The following THAP9 variants were observed in gnomAD, a reference collection of about 807,000 sequenced individuals.
The protein encoded by THAP9 is DNA transposase THAP9.
Under a neutral mutation model 35.7 loss-of-function variants are expected in THAP9, and 20 were observed. The ratio of observed to expected loss-of-function variants is 0.56; its 90% confidence interval spans 0.39 to 0.81. The LOEUF is 0.81. THAP9 is among the 40% of genes least tolerant of loss of function. The pLI is 0.00. For missense variants in THAP9, 870 were observed against 1,047.4 expected (o/e 0.83, Z 2.34); for synonymous variants, 335 against 373.7 (o/e 0.90, Z 1.19).
intron 2 of THAP9, 111 bp from the exon 3 acceptor site, chr4:82,906,212 TA>T: frequency 1.1e-6 from 1 of 883,134 alleles, no homozygotes; most frequent in Non-Finnish European, 1.7e-6. Flanking sequence ...TTTTCTTTCC[TA>T]ACTAACTCTC....
At position 82,919,643 on chromosome 4, in the gene THAP9, T is replaced by G. The variant is rs1721170719; in HGVS notation, c.*719T>G. 6.6e-6 allele frequency: 1 copy of G among 152,200 alleles called. No individual in the cohort carries two copies. The highest frequency in any genetic ancestry group is 2.1e-4 in the South Asian group (1 of 4,822). 9.4% of individuals were successfully genotyped at this position (152,200 alleles called of 1,614,324 possible). A position where few individuals can be genotyped will look rare whatever the true frequency, so the allele number is the denominator to read the frequency against. On this transcript the variant is annotated 3_prime_UTR_variant, in exon 5 of 5. Coordinates refer to ENST00000302236, the MANE Select transcript of THAP9 (RefSeq NM_024672.6). The stretch of plus-strand genomic sequence containing the variant: ...TTTGAATAATAGGCTGGACACTTAG[T>G]TTGACTTGAAAGAGCTCAATGCTCA...
chr4:82,904,257 G>T (rs1720550522), intron 1 of THAP9, among the ~76,000 whole-genome samples: 1 of 151,876 alleles, frequency 6.6e-6, no homozygotes, highest in South Asian at 2.1e-4. Flanking sequence ...TAGAGACGGG[G>T]TTTCACCATG....
intron 1 of THAP9, chr4:82,901,191 GAAGGCA>G: frequency 1.7e-6 from 1 of 598,514 alleles, no homozygotes; most frequent in Non-Finnish European, 3.1e-6. Flanking sequence ...GGCCGAAAGG[GAAGGCA>G]GTTTAGGACA....
intron 1 of THAP9, 76 bp from the exon 2 acceptor site, chr4:82,904,660 G>T: frequency 7.5e-7 from 1 of 1,340,678 alleles, no homozygotes; most frequent in Non-Finnish European, 1.0e-6. Flanking sequence ...ATAATAGATG[G>T]GTTTATATAA....
In THAP9 at chr4:82,910,697, G is replaced by T. The variant is rs1401275090; in HGVS notation, c.731+2762G>T. On this transcript the variant is annotated intron_variant, in intron 4 of 4. Transcript: ENST00000302236. ...TATTCAATAAATATTTATTGATCAG[G>T]AGCGGCCAGTGAGGCAGGAGGAAAA... 4.9e-6 allele frequency: 3 copies of T among 610,026 alleles called. No homozygotes were observed. In the East Asian group the frequency reaches 2.0e-4, roughly 40 times the overall value. The allele number at this position is 610,026 out of a possible 1,614,324, so 37.8% of individuals were successfully genotyped here.
chr4:82,914,221 A>G (rs1248652956), intron 4 of THAP9, among the ~76,000 whole-genome samples: 2 of 152,114 alleles, frequency 1.3e-5, no homozygotes, highest in Non-Finnish European at 2.9e-5. Context: ...TTCTTTATTC[A>G]GTGTGTCATT....
At chr4:82,911,483 A>G (rs1720864789) in intron 4 of THAP9, among the ~76,000 whole-genome samples, 1 of 152,128 alleles carries the variant, frequency 6.6e-6, no homozygotes, top group African/African-American at 2.4e-5. Context: ...AGTCCCAGCT[A>G]CTCGGGAGGC....
chr4:82,905,856 T>G (rs1293895180), intron 2 of THAP9: 1 of 455,940 alleles, frequency 2.2e-6, no homozygotes. Flanking sequence ...ATCCACATTT[T>G]ACAGATGAGG....
intron 1 of THAP9, among the ~76,000 whole-genome samples, 184 bp from the exon 2 acceptor site, chr4:82,904,552 G>A (rs1463693787): frequency 6.6e-6 from 1 of 152,144 alleles, no homozygotes; most frequent in East Asian, 1.9e-4. Context: ...ATCAGATATT[G>A]AACCTTTGGA....
chr4:82,918,366 T>C lies in THAP9; in HGVS notation c.2154T>C (p.Tyr718=), dbSNP rs376639375. The change falls in exon 5 of 5, where the codon TAT becomes TAC. Residue 718 remains tyrosine (Y), a synonymous_variant. Coordinates refer to ENST00000302236, the MANE Select transcript of THAP9 (RefSeq NM_024672.6). ...LSDHRRNLIC[Y]AGYVANKLSA... ...ATCATAGGCGAAATCTCATCTGTTA[T>C]GCTGGTTATGTTGCAAACAAGTTAT... 1.4e-5 allele frequency: 23 copies of C among 1,614,072 alleles called. 1 individual carries two copies. The highest frequency in any genetic ancestry group is 7.7e-5 in the South Asian group (7 of 91,080).
intron 3 of THAP9, 74 bp downstream of exon 3, chr4:82,906,701 G>C: frequency 1.4e-6 from 2 of 1,388,174 alleles, no homozygotes; most frequent in East Asian, 4.9e-5. Flanking sequence ...TATTTATTTT[G>C]TTCTTGCCTA....
chr4:82,911,289 C>T (rs1720855647), intron 4 of THAP9, among the ~76,000 whole-genome samples: 1 of 120,650 alleles, frequency 8.3e-6, no homozygotes, highest in South Asian at 2.4e-4. Flanking sequence ...TGAGTTTTGT[C>T]TTTTAAAAAG....
chr4:82,904,897 A>G lies in THAP9; in HGVS notation c.242A>G (p.Lys81Arg). ...TCATATGGCATAAGAAGAAAGCTGA[A>G]AAAAGGAGCTGTGCCTTCTGTTTCT... The part of the protein sequence containing the change: ...FESYGIRRKL[K>R]KGAVPSVSLY... Residue 81 changes from lysine to arginine, a missense_variant, in exon 2 of 5, where the codon AAA (lysine) becomes AGA (arginine). Lys to Arg is a conservative substitution (Grantham distance 26, BLOSUM62 2). Coordinates refer to ENST00000302236, the MANE Select transcript of THAP9 (RefSeq NM_024672.6). 1.2e-6 allele frequency: 2 copies of G among 1,614,050 alleles called. No individual in the cohort carries two copies. Among genetic ancestry groups the G allele is most frequent in the Non-Finnish European group, 1.7e-6 (2 of 1,179,988 alleles).
At chr4:82,904,618 C>A in intron 1 of THAP9, 118 bp from the exon 2 acceptor site, 2 of 893,144 alleles carry the variant, frequency 2.2e-6, no homozygotes, top group South Asian at 2.4e-5. Context: ...ACTTTTAATT[C>A]ACTTGGCTTT....
At chr4:82,908,929 G>A (rs1720760180) in intron 4 of THAP9, among the ~76,000 whole-genome samples, 1 of 147,994 alleles carries the variant, frequency 6.8e-6, no homozygotes, top group African/African-American at 2.5e-5. Flanking sequence ...TTTTGAGATG[G>A]GGTCTTGCTC....
rs770103968 is a variant in THAP9, at chr4:82,918,391, T to C, written c.2179T>C (p.Ser727Pro). Reference protein sequence around the residue: ...CYAGYVANKLSALLTCEDCIT... With the variant: ...CYAGYVANKLPALLTCEDCIT... Reference sequence around the variant, plus strand: ...TGCTGGTTATGTTGCAAACAAGTTATCAGCTCTTTTAACTTGTGAGGACTG... The same window carrying C: ...TGCTGGTTATGTTGCAAACAAGTTACCAGCTCTTTTAACTTGTGAGGACTG... The change falls in exon 5 of 5, where the codon TCA (serine) becomes CCA (proline). Residue 727 changes from serine to proline, a missense_variant. Ser to Pro is a moderately conservative substitution (Grantham distance 74). Around this residue, in one of 3 missense-constraint regions of THAP9, gnomAD observed 414 missense variants for 500.8 expected, o/e 0.83. Coordinates refer to ENST00000302236, the MANE Select transcript of THAP9 (RefSeq NM_024672.6). 6 of 1,614,186 alleles carry C rather than the reference T, an allele frequency of 3.7e-6. No individual in the cohort carries two copies. In the East Asian group the frequency reaches 1.1e-4, roughly 30 times the overall value.
At chr4:82,908,370 A>G (rs1720737906) in intron 4 of THAP9, among the ~76,000 whole-genome samples, 1 of 152,226 alleles carries the variant, frequency 6.6e-6, no homozygotes, top group Admixed American at 6.5e-5. Context: ...GGTCTTAGGC[A>G]AAGCACAAAA....
chr4:82,901,172 A>G, intron 1 of THAP9: 1 of 640,018 alleles, frequency 1.6e-6, no homozygotes, highest in Non-Finnish European at 2.9e-6. Context: ...TTATTATTTG[A>G]AGTGAGGAGG....
Position 82,900,886 on chromosome 4 carries a change from CG to C in THAP9, c.80+5del. 6.2e-7 allele frequency: 1 copy of C among 1,613,168 alleles called. No individual in the cohort carries two copies. Among genetic ancestry groups the C allele is most frequent in the South Asian group, 1.1e-5 (1 of 91,076 alleles). Reference sequence around the variant, plus strand: ...AGCGCGGCCTCTCCTTCCACCAGTGCGTATGGGAGCAGCCTCGAAGCCTTCG... The same window carrying C: ...AGCGCGGCCTCTCCTTCCACCAGTGCTATGGGAGCAGCCTCGAAGCCTTCG... On this transcript the variant is annotated splice_donor_5th_base_variant and intron_variant, in intron 1 of 4. Coordinates refer to ENST00000302236, the MANE Select transcript of THAP9 (RefSeq NM_024672.6).
Sources: gnomAD v4.1 joint callset for allele counts (sites outside exome capture counted in the v4.1 genomes callset) on GRCh38, gnomAD v4.1.1 for gene constraint, gnomAD v4.1.1 regional missense constraint, MANE v1.5 for transcripts, NCBI Gene and HGNC (gene_info 2026-07-23, HGNC 2026-07-21) for gene names.